MYLK4: variants seen among roughly 807,000 people sequenced by gnomAD.
The protein encoded by MYLK4 is caMLCK like.
In MYLK4, 46 loss-of-function variants were observed where a neutral mutation model predicts 48.1. The ratio of observed to expected loss-of-function variants is 0.96; its 90% CI spans 0.75 to 1.22. MYLK4 has a LOEUF of 1.22. Among genes scored for constraint, MYLK4 ranks in the 50% most tolerant of loss-of-function variants. MYLK4 has a pLI of 0.00. For synonymous variants in MYLK4, 170 were observed against 180.8 expected, an observed-to-expected ratio of 0.94 and a Z score of 0.48; for missense variants, 451 against 486.1, an observed-to-expected ratio of 0.93 and a Z score of 0.68.
At position 2,687,603 on chromosome 6, in the gene MYLK4, G is replaced by T. The variant is rs1459466752; in HGVS notation, c.341+1248C>A. 3.9e-5 allele frequency among the ~76,000 whole-genome samples: 6 copies of T among 152,292 alleles called. No individual in the cohort carries two copies. In the South Asian group the frequency reaches 6.2e-4, roughly 16 times the overall value. On this transcript the variant is annotated intron_variant, in intron 4 of 12. Transcript: ENST00000274643. ...CCCAAATACCTCAGGCTTCCATGGAGCCAGTTCATGCTGTGGAATTCCTGT... is the reference window on the plus strand; with the variant it reads ...CCCAAATACCTCAGGCTTCCATGGATCCAGTTCATGCTGTGGAATTCCTGT...
At chr6:2,739,079 G>A (rs1300599669) in intron 2 of MYLK4, among the ~76,000 whole-genome samples, 1 of 152,190 alleles carries the variant, frequency 6.6e-6, no homozygotes, top group Non-Finnish European at 1.5e-5. Flanking sequence ...AAGATCAGAT[G>A]GTATATAGCT....
intron 10 of MYLK4, among the ~76,000 whole-genome samples, chr6:2,676,635 A>C (rs1043840695): frequency 6.6e-6 from 1 of 152,210 alleles, no homozygotes; most frequent in Admixed American, 6.5e-5. Flanking sequence ...ATTGACTGGA[A>C]TTCTAAGCCA....
At chr6:2,675,882 G>T (rs1761061054) in intron 10 of MYLK4, among the ~76,000 whole-genome samples, 1 of 152,048 alleles carries the variant, frequency 6.6e-6, no homozygotes, top group African/African-American at 2.4e-5. Flanking sequence ...CACGAAATCA[G>T]GAGTTCAAGA....
At chr6:2,675,587 G>A (rs1277900127) in intron 10 of MYLK4, among the ~76,000 whole-genome samples, 1 of 152,130 alleles carries the variant, frequency 6.6e-6, no homozygotes, top group African/African-American at 2.4e-5. Flanking sequence ...AGTTAAATAG[G>A]TAGGGAAATA....
At chr6:2,767,178 G>T in the MYLK4 span, among the ~76,000 whole-genome samples, 22 of 152,210 alleles carry the variant, frequency 1.4e-4, no homozygotes, top group Non-Finnish European at 2.8e-4. Flanking sequence ...GATGAGGGCA[G>T]TTAGGATATT....
At chr6:2,704,452 G>T (rs559579796) in intron 2 of MYLK4, among the ~76,000 whole-genome samples, 2 of 152,246 alleles carry the variant, frequency 1.3e-5, no homozygotes, top group African/African-American at 4.8e-5. Context: ...TCCTCAGTAT[G>T]GTTTTTGAAG....
At chr6:2,690,459 C>G (rs1761732727) in intron 3 of MYLK4, among the ~76,000 whole-genome samples, 1 of 152,104 alleles carries the variant, frequency 6.6e-6, no homozygotes, top group African/African-American at 2.4e-5. Flanking sequence ...GAAGTAAAGT[C>G]CAGTTGCAGC....
intron 2 of MYLK4, among the ~76,000 whole-genome samples, chr6:2,706,814 A>C (rs1166244252): frequency 6.6e-6 from 1 of 152,244 alleles, no homozygotes; most frequent in Non-Finnish European, 1.5e-5. Flanking sequence ...AGCAGTAATA[A>C]GTAAATCAAT....
At chr6:2,766,168 C>T in the MYLK4 span, 5 of 1,340,152 alleles carry the variant, frequency 3.7e-6, no homozygotes, top group Non-Finnish European at 1.9e-6. Context: ...ACGCGGACGG[C>T]GAGGACGACC....
intron 1 of MYLK4, among the ~76,000 whole-genome samples, chr6:2,750,259 A>G (rs996053462): frequency 2.0e-5 from 3 of 152,194 alleles, no homozygotes; most frequent in Non-Finnish European, 4.4e-5. Flanking sequence ...AGAAAACTTA[A>G]TATTTTGTTT....
chr6:2,687,793 G>A (rs1366057879), intron 4 of MYLK4, among the ~76,000 whole-genome samples: 1 of 152,222 alleles, frequency 6.6e-6, no homozygotes, highest in Non-Finnish European at 1.5e-5. Flanking sequence ...AAGACCACTT[G>A]CAGACGCCTG....
At chr6:2,766,338 A>G in the MYLK4 span, 1 of 1,610,894 alleles carries the variant, frequency 6.2e-7, no homozygotes, top group Non-Finnish European at 8.5e-7. Flanking sequence ...CTGCAGGATT[A>G]CTTCGGGCAG....
intron 2 of MYLK4, among the ~76,000 whole-genome samples, chr6:2,723,859 A>G (rs1561866702): frequency 6.6e-6 from 1 of 151,872 alleles, no homozygotes; most frequent in African/African-American, 2.4e-5. Context: ...TTGGTGATTG[A>G]TTATTTTATT....
At chr6:2,767,363 G>A in the MYLK4 span, among the ~76,000 whole-genome samples, 2 of 152,244 alleles carry the variant, frequency 1.3e-5, no homozygotes, top group African/African-American at 4.8e-5. Context: ...ACTGTAAAGA[G>A]TTCTTGTAGC....
chr6:2,760,772 G>A, the MYLK4 span, among the ~76,000 whole-genome samples: 1 of 152,062 alleles, frequency 6.6e-6, no homozygotes, highest in African/African-American at 2.4e-5. Context: ...AGGGCAGTAA[G>A]AAAATAGAGT....
intron 2 of MYLK4, among the ~76,000 whole-genome samples, chr6:2,739,529 A>T (rs1302741223): frequency 3.9e-5 from 6 of 152,212 alleles, no homozygotes; most frequent in Non-Finnish European, 8.8e-5. Flanking sequence ...TGGAAACGCC[A>T]TGACAACCTG....
At chr6:2,748,756 G>A (rs1036131922) in intron 2 of MYLK4, among the ~76,000 whole-genome samples, 3 of 152,168 alleles carry the variant, frequency 2.0e-5, no homozygotes, top group African/African-American at 2.4e-5. Flanking sequence ...GCTGTCTACC[G>A]CGTGAGGAAC....
At chr6:2,695,326 C>G (rs891966312) in intron 2 of MYLK4, among the ~76,000 whole-genome samples, 12 of 152,170 alleles carry the variant, frequency 7.9e-5, no homozygotes, top group African/African-American at 2.9e-4. Flanking sequence ...ATGTATCAGT[C>G]AATTTCTACT....
intron 1 of MYLK4, 76 bp from the exon 2 acceptor site, chr6:2,749,482 A>T: frequency 2.2e-6 from 1 of 452,150 alleles, no homozygotes; most frequent in Non-Finnish European, 3.9e-6. Flanking sequence ...GACCAGTGAG[A>T]ATTTGGAAGT....
Sources: gnomAD v4.1 joint callset for allele counts (sites outside exome capture counted in the v4.1 genomes callset) on GRCh38, gnomAD v4.1.1 for gene constraint, MANE v1.5 for transcripts, NCBI Gene and HGNC (gene_info 2026-07-23, HGNC 2026-07-21) for gene names.